WDFY2: variants seen among roughly 807,000 people sequenced by gnomAD.
WDFY2 encodes WD repeat and FYVE domain-containing protein 2.
WDFY2 carries 36 observed loss-of-function variants against 56.4 expected under a neutral mutation model. That is an observed-to-expected ratio of 0.64 (90% CI 0.49 to 0.84). The LOEUF is 0.84. Ranked by LOEUF, WDFY2 falls within the 40% of genes least tolerant of loss-of-function variation. WDFY2 has a pLI of 0.00. For missense variants in WDFY2, 444 were observed against 512.2 expected (o/e 0.87, Z 1.29); for synonymous variants, 176 against 183.7 (o/e 0.96, Z 0.34).
chr13:51,687,232 AG>A (rs1208250452), intron 3 of WDFY2, among the ~76,000 whole-genome samples: 2 of 152,040 alleles, frequency 1.3e-5, no homozygotes, highest in East Asian at 3.9e-4. Context: ...TGTGCCAGGC[AG>A]TGTTCTAGGT....
rs530469974 is a variant in WDFY2, at chr13:51,675,499, A to G, written c.279+256A>G. Among the ~76,000 whole-genome samples the G allele has an allele frequency of 7.9e-5, 12 of 152,350 alleles. No homozygotes were observed. The East Asian group carries it at 2.3e-3, about 29-fold the overall frequency. On this transcript the variant is annotated intron_variant, in intron 3 of 11. Transcript: ENST00000298125. ...CTAGAATGGGGGCAATCGGAGGCCAATGAGTAAACTGCATGAATCTGCATT... is the reference window on the plus strand; with the variant it reads ...CTAGAATGGGGGCAATCGGAGGCCAGTGAGTAAACTGCATGAATCTGCATT...
At chr13:51,660,053 AT>A (rs2138454883) in intron 1 of WDFY2, among the ~76,000 whole-genome samples, 1 of 152,374 alleles carries the variant, frequency 6.6e-6, no homozygotes, top group East Asian at 1.9e-4. Flanking sequence ...CATGTGTGGC[AT>A]GATATTTAAA....
intron 1 of WDFY2, among the ~76,000 whole-genome samples, chr13:51,638,210 G>A (rs1240053523): frequency 2.0e-5 from 3 of 152,166 alleles, no homozygotes; most frequent in Admixed American, 6.5e-5. Flanking sequence ...AATTAGATTT[G>A]GATTTTAGAA....
chr13:51,605,570 A>G (rs944098616), intron 1 of WDFY2, among the ~76,000 whole-genome samples: 1 of 152,238 alleles, frequency 6.6e-6, no homozygotes, highest in Non-Finnish European at 1.5e-5. Context: ...AATATATATT[A>G]TGAAAATACC....
At chr13:51,697,701 T>G (rs1951904556) in intron 3 of WDFY2, among the ~76,000 whole-genome samples, 1 of 151,808 alleles carries the variant, frequency 6.6e-6, no homozygotes, top group Non-Finnish European at 1.5e-5. Context: ...TGCCTTCCAA[T>G]GGGATATTAC....
chr13:51,697,097 G>A (rs150152772), intron 3 of WDFY2, among the ~76,000 whole-genome samples: 163 of 152,192 alleles, frequency 1.1e-3, no homozygotes, highest in African/African-American at 3.9e-3. Flanking sequence ...AGTAATTTTA[G>A]AATATACTTA....
intron 1 of WDFY2, among the ~76,000 whole-genome samples, chr13:51,619,441 A>C (rs1427367570): frequency 1.3e-5 from 2 of 152,228 alleles, no homozygotes; most frequent in East Asian, 1.9e-4. Context: ...TCCAAAAAAA[A>C]AAAAACAAAA....
At chr13:51,593,418 C>A (rs1210093495) in intron 1 of WDFY2, among the ~76,000 whole-genome samples, 1 of 152,112 alleles carries the variant, frequency 6.6e-6, no homozygotes, top group Non-Finnish European at 1.5e-5. Context: ...ATCCCCCACC[C>A]TGAGTTTTTT....
chr13:51,628,375 C>A (rs529243376), intron 1 of WDFY2, among the ~76,000 whole-genome samples: 1 of 152,206 alleles, frequency 6.6e-6, no homozygotes, highest in South Asian at 2.1e-4. Context: ...GAAATCAGAG[C>A]GGACGCCAGG....
chr13:51,600,511 C>T (rs958533140), intron 1 of WDFY2, among the ~76,000 whole-genome samples: 5 of 152,168 alleles, frequency 3.3e-5, no homozygotes, highest in Non-Finnish European at 5.9e-5. Context: ...AACATGGCTG[C>T]CGGCTGCTCC....
intron 9 of WDFY2, 115 bp downstream of exon 9, chr13:51,755,574 C>A: frequency 2.2e-6 from 2 of 915,188 alleles, no homozygotes; most frequent in Non-Finnish European, 3.4e-6. Flanking sequence ...AATTATTATC[C>A]TGGAGTCACC....
chr13:51,668,953 G>A (rs1305527141), intron 2 of WDFY2, among the ~76,000 whole-genome samples: 1 of 152,202 alleles, frequency 6.6e-6, no homozygotes, highest in Non-Finnish European at 1.5e-5. Flanking sequence ...ACAGAAATTA[G>A]AAAACTTTCC....
chr13:51,710,500 CTG>C (rs1281118835), intron 4 of WDFY2, among the ~76,000 whole-genome samples: 3 of 152,128 alleles, frequency 2.0e-5, no homozygotes, highest in Non-Finnish European at 4.4e-5. Flanking sequence ...GTCAAATTGT[CTG>C]TGTTTGCGGA....
intron 1 of WDFY2, among the ~76,000 whole-genome samples, chr13:51,637,743 A>G (rs1034774150): frequency 6.6e-6 from 1 of 152,246 alleles, no homozygotes; most frequent in Admixed American, 6.5e-5. Context: ...GTGCTTGTAC[A>G]TATAGGATAA....
chr13:51,751,653 C>G (rs1045234843), intron 8 of WDFY2, among the ~76,000 whole-genome samples: 1 of 151,638 alleles, frequency 6.6e-6, no homozygotes, highest in Non-Finnish European at 1.5e-5. Context: ...AAATCTGTTA[C>G]ACCATTCACA....
intron 7 of WDFY2, among the ~76,000 whole-genome samples, chr13:51,749,673 G>A (rs1471378594): frequency 6.6e-6 from 1 of 152,086 alleles, no homozygotes; most frequent in Non-Finnish European, 1.5e-5. Flanking sequence ...CCTCACTATA[G>A]CATAGAAAAA....
At chr13:51,756,235 GCAGTTGATTACACCTCT>G in intron 9 of WDFY2, 80 bp from the exon 10 acceptor site, 1 of 1,499,742 alleles carries the variant, frequency 6.7e-7, no homozygotes, top group Non-Finnish European at 8.9e-7. Context: ...TCACCTGGAT[GCAGTTGATTACACCTCT>G]CTGCCAGGAG....
chr13:51,732,375 C>T (rs900095560), intron 6 of WDFY2, among the ~76,000 whole-genome samples: 57 of 152,198 alleles, frequency 3.7e-4, no homozygotes, highest in African/African-American at 1.3e-3. Flanking sequence ...CTGCCTCGGC[C>T]TCCCAAAGTG....
In WDFY2 at chr13:51,760,429, C is replaced by T. The variant is rs1953545126; in HGVS notation, c.*660C>T. The T allele has an allele frequency of 6.6e-6, 1 of 152,030 alleles. No homozygotes were observed. The highest frequency in any genetic ancestry group is 2.4e-5 in the African/African-American group (1 of 41,394). The allele number at this position is 152,030 out of a possible 1,614,324, so 9.4% of individuals were successfully genotyped here. ...AGTAGAAAAGACTGTGTTTCTGCCT[C>T]AGTTGCCTCTGTCTTTCCCACATTA... is the stretch of plus-strand genomic sequence containing the variant. On this transcript the variant is annotated 3_prime_UTR_variant, in exon 12 of 12. Coordinates refer to ENST00000298125, the MANE Select transcript of WDFY2 (RefSeq NM_052950.4).
Sources: gnomAD v4.1 joint callset for allele counts (sites outside exome capture counted in the v4.1 genomes callset) on GRCh38, gnomAD v4.1.1 for gene constraint, MANE v1.5 for transcripts, NCBI Gene and HGNC (gene_info 2026-07-23, HGNC 2026-07-21) for gene names.